NOL4: variants seen among roughly 807,000 people sequenced by gnomAD.
NOL4 encodes the protein cancer/testis antigen 125.
In NOL4, 17 loss-of-function variants were observed where a neutral mutation model predicts 75.9. The ratio of observed to expected loss-of-function variants is 0.22; its 90% CI spans 0.15 to 0.34. NOL4 has a LOEUF of 0.34. Ranked by LOEUF, NOL4 falls within the 10% of genes least tolerant of loss-of-function variation. The pLI is 1.00. For synonymous variants in NOL4, 292 were observed against 289.9 expected (o/e 1.01, Z -0.07); for missense variants, 614 against 793.5 (o/e 0.77, Z 2.72).
chr18:34,108,520 G>T (rs563504730), intron 2 of NOL4, among the ~76,000 whole-genome samples: 1 of 152,124 alleles, frequency 6.6e-6, no homozygotes, highest in African/African-American at 2.4e-5. Context: ...CCATGCAAAT[G>T]GTAACCAAAA....
At position 33,915,550 on chromosome 18, in the gene NOL4, G is replaced by A. The variant is rs114204290; in HGVS notation, c.1542+27515C>T. On this transcript the variant is annotated intron_variant, in intron 9 of 10. Coordinates refer to ENST00000261592, the MANE Select transcript of NOL4 (RefSeq NM_003787.5). Reference sequence around the variant, plus strand: ...TTGCTGGAATAGGCGAGAGGCGATGGGATGCAGTAAATAAGGAGACGGACT... The same window carrying A: ...TTGCTGGAATAGGCGAGAGGCGATGAGATGCAGTAAATAAGGAGACGGACT... 5.1e-3 allele frequency among the ~76,000 whole-genome samples: 769 copies of A among 152,120 alleles called. 9 individuals carry two copies. Among genetic ancestry groups the A allele is most frequent in the African/African-American group, 0.018 (738 of 41,514 alleles).
intron 8 of NOL4, among the ~76,000 whole-genome samples, chr18:33,955,670 A>G (rs1330413996): frequency 6.6e-6 from 1 of 152,110 alleles, no homozygotes; most frequent in Non-Finnish European, 1.5e-5. Flanking sequence ...CCATTTCCTC[A>G]GGAAAACAAT....
chr18:34,204,719 G>A (rs2035998584), intron 1 of NOL4, among the ~76,000 whole-genome samples: 1 of 152,042 alleles, frequency 6.6e-6, no homozygotes, highest in Non-Finnish European at 1.5e-5. Flanking sequence ...TCTTTAGTCA[G>A]AGGTGGTACT....
chr18:34,012,621 C>T (rs146119819), intron 6 of NOL4, among the ~76,000 whole-genome samples: 236 of 151,850 alleles, frequency 1.6e-3, no homozygotes, highest in African/African-American at 5.3e-3. Context: ...GTTAAAAGAA[C>T]CACTCTCATT....
At chr18:33,924,207 C>T (rs1255903160) in intron 9 of NOL4, among the ~76,000 whole-genome samples, 3 of 152,170 alleles carry the variant, frequency 2.0e-5, no homozygotes, top group Admixed American at 6.5e-5. Flanking sequence ...CCTGCAGCTG[C>T]GTCTTGGTAT....
intron 4 of NOL4, among the ~76,000 whole-genome samples, chr18:34,095,078 T>C (rs1051023556): frequency 1.3e-5 from 2 of 152,144 alleles, no homozygotes; most frequent in Non-Finnish European, 2.9e-5. Flanking sequence ...GTGTCTTTCC[T>C]TTATCAAAGA....
intron 1 of NOL4, among the ~76,000 whole-genome samples, chr18:34,174,490 G>A (rs1328630041): frequency 6.6e-6 from 1 of 152,040 alleles, no homozygotes. Flanking sequence ...TGCTCTGTAT[G>A]TTTCAGTAGC....
chr18:33,854,157 GGTAT>G (rs1474151891), intron 10 of NOL4, among the ~76,000 whole-genome samples: 2 of 152,062 alleles, frequency 1.3e-5, no homozygotes, highest in African/African-American at 2.4e-5. Flanking sequence ...TTCAGATAAT[GGTAT>G]TCGTTTCATG....
At chr18:34,187,381 T>TC (rs1241943691) in intron 1 of NOL4, among the ~76,000 whole-genome samples, 1 of 142,924 alleles carries the variant, frequency 7.0e-6, no homozygotes, top group African/African-American at 2.6e-5. Flanking sequence ...TTTTTTTTTT[T>TC]TTTTTTTTTT....
In NOL4 at chr18:33,913,275, C is replaced by A. The variant is rs142012013; in HGVS notation, c.1542+29790G>T. ...TGTTTCTTCTTATCACACAATTGTT[C>A]AGTACCCTACCAATACATTATCTGT... On this transcript the variant is annotated intron_variant, in intron 9 of 10. Coordinates refer to ENST00000261592, the MANE Select transcript of NOL4 (RefSeq NM_003787.5). 7.2e-5 allele frequency among the ~76,000 whole-genome samples: 11 copies of A among 152,182 alleles called. No homozygotes were observed. The East Asian group carries it at 2.1e-3, about 29-fold the overall frequency.
chr18:33,914,499 T>C (rs1599851327), intron 9 of NOL4, among the ~76,000 whole-genome samples: 1 of 152,174 alleles, frequency 6.6e-6, no homozygotes, highest in Admixed American at 6.6e-5. Context: ...CTGAAATTTT[T>C]TAACAAGATT....
At chr18:34,015,785 G>A (rs1400513145) in intron 6 of NOL4, among the ~76,000 whole-genome samples, 3 of 152,000 alleles carry the variant, frequency 2.0e-5, no homozygotes, top group South Asian at 4.1e-4. Context: ...TAAACTACAC[G>A]TCAAAACCTG....
intron 6 of NOL4, among the ~76,000 whole-genome samples, chr18:33,979,631 G>A (rs1277172500): frequency 6.6e-6 from 1 of 151,536 alleles, no homozygotes; most frequent in African/African-American, 2.4e-5. Flanking sequence ...AATAGCATGT[G>A]GAGTATAAAT....
At chr18:34,186,586 T>C (rs761797509) in intron 1 of NOL4, among the ~76,000 whole-genome samples, 14 of 152,346 alleles carry the variant, frequency 9.2e-5, no homozygotes, top group South Asian at 2.1e-4. Context: ...AATGAAACTA[T>C]GTGCCATTCC....
intron 9 of NOL4, among the ~76,000 whole-genome samples, chr18:33,926,735 G>A (rs1488877688): frequency 3.9e-5 from 6 of 152,024 alleles, no homozygotes; most frequent in Non-Finnish European, 4.4e-5. Flanking sequence ...CGAGTAGCTG[G>A]GATTAGAGGC....
intron 5 of NOL4, among the ~76,000 whole-genome samples, chr18:34,086,053 G>C (rs1034071035): frequency 6.6e-6 from 1 of 151,998 alleles, no homozygotes; most frequent in African/African-American, 2.4e-5. Flanking sequence ...GCCATAAAGA[G>C]AGTTTTCTAA....
At chr18:34,203,717 T>TCTCTCTCTCTCTCTCACACACA (rs1261546835) in intron 1 of NOL4, among the ~76,000 whole-genome samples, 1 of 72,264 alleles carries the variant, frequency 1.4e-5, no homozygotes, top group South Asian at 7.5e-4. Flanking sequence ...TCTCTCTCTC[T>TCTCTCTCTCTCTCTCACACACA]CACACACACA....
At chr18:34,111,586 A>C (rs990549450) in intron 2 of NOL4, among the ~76,000 whole-genome samples, 1 of 152,130 alleles carries the variant, frequency 6.6e-6, no homozygotes, top group South Asian at 2.1e-4. Context: ...AGGTTCCATA[A>C]CTATGGGTAA....
intron 9 of NOL4, among the ~76,000 whole-genome samples, chr18:33,915,303 T>C (rs2066647524): frequency 6.6e-6 from 1 of 152,034 alleles, no homozygotes; most frequent in Non-Finnish European, 1.5e-5. Flanking sequence ...AAGGAGAGAA[T>C]TTGGCAATAG....
Sources: gnomAD v4.1 joint callset for allele counts (sites outside exome capture counted in the v4.1 genomes callset) on GRCh38, gnomAD v4.1.1 for gene constraint, MANE v1.5 for transcripts, NCBI Gene and HGNC (gene_info 2026-07-23, HGNC 2026-07-21) for gene names.